The following SPEF2 variants were observed in gnomAD, a reference collection of about 807,000 sequenced individuals.
SPEF2 encodes sperm flagella and cilia-associated protein 2.
A neutral mutation model predicts 224.6 loss-of-function variants in SPEF2; 187 were observed. The ratio of observed to expected loss-of-function variants is 0.83; its 90% confidence interval spans 0.74 to 0.94. SPEF2 has a LOEUF of 0.94. Ranked by LOEUF, SPEF2 falls within the 40% of genes least tolerant of loss-of-function variation. The probability of loss-of-function intolerance (pLI) is 0.00; values close to 1 mark genes in which losing one functional copy is unlikely to be tolerated. For missense variants in SPEF2, 2,170 were observed against 2,135.6 expected (o/e 1.02, Z -0.32); for synonymous variants, 715 against 707.3 (o/e 1.01, Z -0.17).
intron 10 of SPEF2, chr5:35,675,648 A>ACTACAGGC (rs1302718278): frequency 9.5e-6 from 2 of 211,418 alleles, no homozygotes; most frequent in Non-Finnish European, 2.0e-5. Context: ...AGTAGCCAGG[A>ACTACAGGC]CTACAGGCCT....
chr5:35,687,634 C>T (rs1480684515), intron 10 of SPEF2, among the ~76,000 whole-genome samples: 4 of 152,050 alleles, frequency 2.6e-5, no homozygotes, highest in Admixed American at 1.3e-4. Context: ...GGATTACAGG[C>T]GTGAGCCACC....
intron 6 of SPEF2, among the ~76,000 whole-genome samples, chr5:35,653,802 C>T (rs138193307): frequency 0.036 from 5,476 of 150,942 alleles, 139 homozygotes; most frequent in Non-Finnish European, 0.055. Flanking sequence ...AAAAAATTAG[C>T]CGGGCGTGGT....
At chr5:35,734,769 T>C (rs2149676487) in intron 21 of SPEF2, among the ~76,000 whole-genome samples, 1 of 141,784 alleles carries the variant, frequency 7.1e-6, no homozygotes, top group East Asian at 2.3e-4. Flanking sequence ...TGGAGTACAC[T>C]GCTGCAATCT....
At chr5:35,714,946 C>T (rs1028994120) in intron 20 of SPEF2, among the ~76,000 whole-genome samples, 1 of 151,970 alleles carries the variant, frequency 6.6e-6, no homozygotes, top group African/African-American at 2.4e-5. Context: ...AACAGGGTCT[C>T]ACTCTGTTGC....
intron 4 of SPEF2, among the ~76,000 whole-genome samples, chr5:35,645,084 C>G (rs1273910786): frequency 6.6e-6 from 1 of 152,128 alleles, no homozygotes; most frequent in African/African-American, 2.4e-5. Context: ...CTTTAAAACT[C>G]TTTAATGATC....
chr5:35,708,131 T>C (rs1295137889), intron 18 of SPEF2, among the ~76,000 whole-genome samples: 1 of 152,122 alleles, frequency 6.6e-6, no homozygotes, highest in Non-Finnish European at 1.5e-5. Context: ...ATAGTAGTAG[T>C]TTTACTTTAT....
At chr5:35,619,127 T>C (rs902088280) in intron 1 of SPEF2, among the ~76,000 whole-genome samples, 1 of 152,150 alleles carries the variant, frequency 6.6e-6, no homozygotes, top group Non-Finnish European at 1.5e-5. Context: ...TCAGACTCTT[T>C]CTTTGTCAAA....
intron 11 of SPEF2, 50 bp downstream of exon 11, chr5:35,691,306 ACT>A (rs1238048579): frequency 7.1e-7 from 1 of 1,405,942 alleles, no homozygotes; most frequent in East Asian, 2.3e-5. Flanking sequence ...ATTTACACTG[ACT>A]GTAGCTGCAA....
intron 20 of SPEF2, among the ~76,000 whole-genome samples, chr5:35,717,755 G>C (rs901003219): frequency 3.3e-5 from 5 of 152,144 alleles, no homozygotes; most frequent in Admixed American, 1.3e-4. Flanking sequence ...ACTTCCCAAG[G>C]CTCCACCTTA....
Position 35,776,300 on chromosome 5 carries a change from A to T in SPEF2, c.4122A>T (p.Ala1374=), listed in dbSNP as rs760005419. ...GACTTGAACTGATAAAGACAAAAGC[A>T]TTGGCTCTTCTTGAAGATTTAGTAA... ...QFRLELIKTK[A]LALLEDLVTK... The change falls in exon 29 of 37, where the codon GCA becomes GCT. Residue 1374 remains alanine, a synonymous_variant. Transcript: ENST00000356031. 2.5e-6 allele frequency: 4 copies of T among 1,612,486 alleles called. No homozygotes were observed. The East Asian group carries it at 8.9e-5, about 36-fold the overall frequency.
intron 26 of SPEF2, among the ~76,000 whole-genome samples, chr5:35,768,156 TATA>T (rs1345388062): frequency 6.6e-6 from 1 of 152,110 alleles, no homozygotes; most frequent in Non-Finnish European, 1.5e-5. Flanking sequence ...TCAAACATAA[TATA>T]ATAATAAGCC....
Position 35,795,768 on chromosome 5 carries a change from A to G in SPEF2, c.4803A>G (p.Pro1601=). The change falls in exon 33 of 37, where the codon CCA becomes CCG. Residue 1601 remains proline (P), a synonymous_variant. Transcript: ENST00000356031. ...CAGAAAATCCTCTTGAACCCCTTCC[A>G]TTTAATAGGCAGGAGCATCTTATAG... ...KIPENPLEPL[P]FNRQEHLIEF... is the part of the protein sequence containing the mutation. 6.2e-7 allele frequency: 1 copy of G among 1,613,806 alleles called. No individual in the cohort carries two copies.
Position 35,654,675 on chromosome 5 carries a change from A to G in SPEF2, c.927A>G (p.Lys309=), listed in dbSNP as rs372087462. 1 of 1,612,182 alleles carries G rather than the reference A, an allele frequency of 6.2e-7. No individual in the cohort carries two copies. Among genetic ancestry groups the G allele is most frequent in the Non-Finnish European group, 8.5e-7 (1 of 1,179,692 alleles). The change falls in exon 7 of 37, where the codon AAA becomes AAG. Residue 309 remains lysine, a synonymous_variant. Coordinates refer to ENST00000356031, the MANE Select transcript of SPEF2 (RefSeq NM_024867.4). ...EDAFAREQRE[K]RRRKLLMDQL... ...CTTTTGCACGAGAGCAAAGGGAGAAAAGACGGCGGAAATTGTTAATGGACC... is the reference window on the plus strand; with the variant it reads ...CTTTTGCACGAGAGCAAAGGGAGAAGAGACGGCGGAAATTGTTAATGGACC...
intron 19 of SPEF2, chr5:35,710,272 G>A (rs1343076580): frequency 1.0e-6 from 1 of 983,646 alleles, no homozygotes; most frequent in Non-Finnish European, 1.2e-6. Context: ...AACTGGGGAA[G>A]ACAGGCCAAG....
At chr5:35,704,498 G>A in intron 16 of SPEF2, 56 bp from the exon 17 acceptor site, 1 of 1,169,700 alleles carries the variant, frequency 8.5e-7, no homozygotes, top group Admixed American at 1.9e-5. Context: ...TATTTTAGCA[G>A]TAAGTAGCAA....
chr5:35,631,222 A>C (rs1745069952), intron 2 of SPEF2, among the ~76,000 whole-genome samples: 1 of 152,324 alleles, frequency 6.6e-6, no homozygotes, highest in Non-Finnish European at 1.5e-5. Flanking sequence ...TAAAACCATC[A>C]GACCTTGTGA....
intron 36 of SPEF2, among the ~76,000 whole-genome samples, chr5:35,808,809 AAT>A (rs1448920349): frequency 1.4e-5 from 2 of 148,004 alleles, no homozygotes; most frequent in African/African-American, 4.9e-5. Context: ...TGTAAAACCC[AAT>A]ATATATACAT....
At chr5:35,691,390 T>C (rs79652854) in intron 11 of SPEF2, 134 bp downstream of exon 11, 17,575 of 728,582 alleles carry the variant, frequency 0.024, 391 homozygotes, top group Middle Eastern at 0.088. Flanking sequence ...TCAAAAGTTT[T>C]GTAATTTTCC....
At chr5:35,717,967 C>T (rs1742917606) in intron 20 of SPEF2, among the ~76,000 whole-genome samples, 2 of 152,164 alleles carry the variant, frequency 1.3e-5, no homozygotes, top group South Asian at 4.1e-4. Flanking sequence ...TAAGGGTTCC[C>T]AGTAGAAGGG....
Sources: allele counts gnomAD v4.1 joint callset (sites outside exome capture counted in the v4.1 genomes callset), GRCh38; gene constraint gnomAD v4.1.1; transcripts MANE v1.5; gene names NCBI Gene and HGNC (gene_info 2026-07-23, HGNC 2026-07-21).